The following FOXN3 variants were observed in gnomAD, a reference collection of about 807,000 sequenced individuals.
FOXN3 encodes forkhead box N3.
FOXN3 carries 7 observed loss-of-function variants against 38.4 expected under a neutral mutation model. That is an observed-to-expected ratio of 0.18 (90% CI 0.10 to 0.34). The LOEUF (loss-of-function observed/expected upper bound fraction) is 0.34, where lower values mean the gene tolerates loss of function less well. FOXN3 is among the 10% of genes least tolerant of loss of function. The probability of loss-of-function intolerance (pLI) is 1.00; values close to 1 mark genes in which losing one functional copy is unlikely to be tolerated. For missense variants in FOXN3, 456 were observed against 613.4 expected (o/e 0.74, Z 2.71); for synonymous variants, 230 against 242.2 (o/e 0.95, Z 0.47).
At chr14:89,184,942 C>T (rs1218481930) in intron 4 of FOXN3, among the ~76,000 whole-genome samples, 1 of 152,206 alleles carries the variant, frequency 6.6e-6, no homozygotes, top group Non-Finnish European at 1.5e-5. Flanking sequence ...TTATTCCTAA[C>T]TGCATTTACC....
chr14:89,244,815 A>C (rs1885241865), intron 4 of FOXN3, among the ~76,000 whole-genome samples: 1 of 152,212 alleles, frequency 6.6e-6, no homozygotes, highest in Non-Finnish European at 1.5e-5. Context: ...AAAATGTTCA[A>C]GCTAGAGGGC....
chr14:89,166,470 C>A (rs970139873), intron 5 of FOXN3, among the ~76,000 whole-genome samples: 4 of 152,130 alleles, frequency 2.6e-5, no homozygotes, highest in African/African-American at 9.7e-5. Context: ...CTACTTAACC[C>A]ATTTCACAGA....
At chr14:89,427,680 A>G (rs1222402559) in intron 1 of FOXN3, among the ~76,000 whole-genome samples, 1 of 152,006 alleles carries the variant, frequency 6.6e-6, no homozygotes, top group African/African-American at 2.4e-5. Flanking sequence ...CTTCTATGTC[A>G]TAATCAACAA....
chr14:89,171,533 G>A (rs973338013), intron 5 of FOXN3, among the ~76,000 whole-genome samples: 5 of 151,948 alleles, frequency 3.3e-5, no homozygotes, highest in African/African-American at 1.2e-4. Flanking sequence ...GGCAACTCCA[G>A]TAATATGTAA....
At chr14:89,430,670 T>C (rs1197291976) in intron 1 of FOXN3, among the ~76,000 whole-genome samples, 1 of 151,956 alleles carries the variant, frequency 6.6e-6, no homozygotes, top group Non-Finnish European at 1.5e-5. Context: ...TCTGTTTAAT[T>C]GATTTTTTTA....
At chr14:89,198,903 T>G (rs914605829) in intron 4 of FOXN3, among the ~76,000 whole-genome samples, 1 of 152,262 alleles carries the variant, frequency 6.6e-6, no homozygotes, top group African/African-American at 2.4e-5. Flanking sequence ...CAATTCACTT[T>G]GTTGTTGACG....
chr14:89,365,141 C>G (rs1268160208), intron 2 of FOXN3, among the ~76,000 whole-genome samples: 1 of 152,202 alleles, frequency 6.6e-6, no homozygotes. Flanking sequence ...CCGTTACTCA[C>G]TATTTTGAGA....
At chr14:89,547,866 G>A (rs542242982) in intron 1 of FOXN3, among the ~76,000 whole-genome samples, 1 of 152,120 alleles carries the variant, frequency 6.6e-6, no homozygotes, top group Non-Finnish European at 1.5e-5. Flanking sequence ...GAGGGTCTTC[G>A]AAATAAAGCT....
At chr14:89,455,718 C>G (rs1046808963) in intron 1 of FOXN3, among the ~76,000 whole-genome samples, 37 of 152,302 alleles carry the variant, frequency 2.4e-4, no homozygotes, top group African/African-American at 8.7e-4. Flanking sequence ...AGGACAGAAT[C>G]TCAAGGAGAC....
At chr14:89,417,922 A>G (rs1891798551), upstream of FOXN3, 1 of 342,174 alleles carries the variant, frequency 2.9e-6, no homozygotes, top group Admixed American at 3.8e-5. Flanking sequence ...GGTTGTGCGG[A>G]ACGCCCCGGC....
At chr14:89,274,493 G>A (rs77189134) in intron 4 of FOXN3, among the ~76,000 whole-genome samples, 6,870 of 152,188 alleles carry the variant, frequency 0.045, 203 homozygotes, top group Admixed American at 0.095. Context: ...AGACTACAAA[G>A]ATCACAAAGA....
At chr14:89,188,344 C>T (rs975163820) in intron 4 of FOXN3, among the ~76,000 whole-genome samples, 2 of 152,146 alleles carry the variant, frequency 1.3e-5, no homozygotes, top group Non-Finnish European at 2.9e-5. Context: ...TCCTTTCCTA[C>T]CTATGCTCAA....
At chr14:89,375,896 T>G (rs906485749) in intron 2 of FOXN3, among the ~76,000 whole-genome samples, 3 of 152,140 alleles carry the variant, frequency 2.0e-5, no homozygotes, top group Non-Finnish European at 4.4e-5. Context: ...TTCTCCTGCC[T>G]CAGCCTCCCA....
chr14:89,183,471 G>A (rs1208943104), intron 4 of FOXN3, among the ~76,000 whole-genome samples: 2 of 151,938 alleles, frequency 1.3e-5, no homozygotes, highest in East Asian at 1.9e-4. Flanking sequence ...GAGATAGAGC[G>A]AGAGAGAGAG....
At chr14:89,522,609 T>C (rs957959691) in intron 1 of FOXN3, among the ~76,000 whole-genome samples, 2 of 152,082 alleles carry the variant, frequency 1.3e-5, no homozygotes, top group African/African-American at 2.4e-5. Context: ...CCAGGAGGTA[T>C]TGCAGTGTCT....
chr14:89,600,393 A>G (rs1896132859), intron 1 of FOXN3, among the ~76,000 whole-genome samples: 1 of 152,208 alleles, frequency 6.6e-6, no homozygotes, highest in South Asian at 2.1e-4. Flanking sequence ...ACATTTCAAA[A>G]GAAACAATTG....
chr14:89,583,645 C>T (rs1207967020), intron 1 of FOXN3, among the ~76,000 whole-genome samples: 1 of 152,224 alleles, frequency 6.6e-6, no homozygotes, highest in Non-Finnish European at 1.5e-5. Context: ...ACTACAACCT[C>T]TGCCTCCTAG....
chr14:89,395,926 C>T (rs1339653349), intron 2 of FOXN3, among the ~76,000 whole-genome samples: 2 of 152,058 alleles, frequency 1.3e-5, no homozygotes, highest in Non-Finnish European at 2.9e-5. Flanking sequence ...TCACACTTGT[C>T]ACTACTTCTG....
chr14:89,269,696 G>A (rs970886425), intron 4 of FOXN3, among the ~76,000 whole-genome samples: 1 of 151,950 alleles, frequency 6.6e-6, no homozygotes, highest in Admixed American at 6.6e-5. Flanking sequence ...CCGGAGAGGT[G>A]GCCTTTTGAC....
Sources: gnomAD v4.1 joint callset for allele counts (sites outside exome capture counted in the v4.1 genomes callset) on GRCh38, gnomAD v4.1.1 for gene constraint, MANE v1.5 for transcripts, NCBI Gene and HGNC (gene_info 2026-07-23, HGNC 2026-07-21) for gene names.